WFDC10B: variants seen among roughly 807,000 people sequenced by gnomAD.
WFDC10B encodes the protein protein WFDC10B.
A neutral mutation model predicts 2.7 loss-of-function variants in WFDC10B; 1 was observed. That is an observed-to-expected ratio of 0.38 (90% CI 0.13 to 1.79). The LOEUF (loss-of-function observed/expected upper bound fraction) is 1.79, where lower values mean the gene tolerates loss of function less well. Among genes scored for constraint, WFDC10B ranks in the 40% most tolerant of loss-of-function variants. WFDC10B has a pLI of 0.33. For synonymous variants in WFDC10B, 26 were observed against 32.2 expected (o/e 0.81, Z 0.65); for missense variants, 71 against 87.8 (o/e 0.81, Z 0.76).
intron 2 of WFDC10B, among the ~76,000 whole-genome samples, chr20:45,698,122 AG>A (rs949106908): frequency 6.6e-6 from 1 of 152,118 alleles, no homozygotes; most frequent in Non-Finnish European, 1.5e-5. Context: ...TGTACTTTGT[AG>A]GGTCTCCCAT....
At chr20:45,696,023 ACGCCTGTAATCCC>A (rs1402455348) in intron 2 of WFDC10B, among the ~76,000 whole-genome samples, 3 of 152,172 alleles carry the variant, frequency 2.0e-5, no homozygotes, top group Non-Finnish European at 4.4e-5. Context: ...GCAGTGGCTC[ACGCCTGTAATCCC>A]AGCACTTTGG....
rs1268767742 is a variant in WFDC10B at position 45,699,003 on chromosome 20, G to GAGGGGT, written c.-65+5493_-65+5494insACCCCT. Among the ~76,000 whole-genome samples the GAGGGGT allele has an allele frequency of 4.0e-5, 6 of 150,586 alleles. No individual in the cohort carries two copies. In the Admixed American group the frequency reaches 4.0e-4, roughly 10 times the overall value. ...AAAGAAGAAGGAGGAGAAGGAGGGG[G>GAGGGGT]AGGGGGAAGAAGAAGAAGAAAGAAA... is the stretch of plus-strand genomic sequence containing the variant. On this transcript the variant is annotated intron_variant, in intron 2 of 3. Transcript: ENST00000330523.
At chr20:45,700,014 A>G (rs1166859933) in intron 2 of WFDC10B, among the ~76,000 whole-genome samples, 1 of 152,190 alleles carries the variant, frequency 6.6e-6, no homozygotes, top group Non-Finnish European at 1.5e-5. Context: ...ACACTTTTAG[A>G]AATTTACTGA....
chr20:45,702,188 G>A, intron 2 of WFDC10B: 1 of 1,612,904 alleles, frequency 6.2e-7, no homozygotes, highest in South Asian at 1.1e-5. Context: ...CTGGTGCCTG[G>A]GAGTCCCAAG....
At chr20:45,691,295 A>G (rs1983804065) in intron 2 of WFDC10B, among the ~76,000 whole-genome samples, 1 of 151,944 alleles carries the variant, frequency 6.6e-6, no homozygotes, top group African/African-American at 2.4e-5. Context: ...TGTGGTGCTG[A>G]AAAAAAATGT....
intron 2 of WFDC10B, among the ~76,000 whole-genome samples, chr20:45,698,914 G>A (rs1409363152): frequency 6.9e-6 from 1 of 144,856 alleles, no homozygotes; most frequent in Non-Finnish European, 1.5e-5. Context: ...GTTGCAGTGA[G>A]CTGAGATCAC....
chr20:45,704,993 C>A lies in WFDC10B; in HGVS notation c.-205G>T, dbSNP rs771641543. The stretch of plus-strand genomic sequence containing the variant: ...TGCCCTCCTTTCACAAGACACCATC[C>A]TTTGGCCACCAGTGTTCTTGGGCTC... On this transcript the variant is annotated 5_prime_UTR_variant, in exon 1 of 4. The change creates a new upstream start codon in the 5' untranslated region. Transcript: ENST00000330523. 1 of 1,614,130 alleles carries A rather than the reference C, an allele frequency of 6.2e-7. No individual in the cohort carries two copies. The highest frequency in any genetic ancestry group is 1.1e-5 in the South Asian group (1 of 91,082).
chr20:45,700,130 T>C (rs1048715759), intron 2 of WFDC10B, among the ~76,000 whole-genome samples: 1 of 152,206 alleles, frequency 6.6e-6, no homozygotes, highest in Non-Finnish European at 1.5e-5. Flanking sequence ...TATAGGAGAC[T>C]GGCTATATGA....
chr20:45,686,688 A>G (rs990354165), intron 2 of WFDC10B, among the ~76,000 whole-genome samples: 6 of 151,130 alleles, frequency 4.0e-5, no homozygotes, highest in African/African-American at 4.9e-5. Flanking sequence ...TTTTTTAGAC[A>G]GAGTCTCACT....
intron 2 of WFDC10B, 56 bp downstream of exon 2, chr20:45,704,441 C>G: frequency 6.2e-7 from 1 of 1,612,400 alleles, no homozygotes. Flanking sequence ...TTCTGTGTTC[C>G]AGAGTATATC....
intron 2 of WFDC10B, among the ~76,000 whole-genome samples, chr20:45,693,374 C>T (rs971569022): frequency 2.2e-4 from 33 of 152,202 alleles, no homozygotes; most frequent in African/African-American, 8.0e-4. Flanking sequence ...CAGACAGGGA[C>T]ATGTAAGTCT....
intron 2 of WFDC10B, among the ~76,000 whole-genome samples, chr20:45,688,880 AT>A (rs771355734): frequency 2.6e-5 from 4 of 151,972 alleles, no homozygotes; most frequent in Non-Finnish European, 4.4e-5. Flanking sequence ...TTTTGTTTCC[AT>A]TGCTTTTGGT....
At chr20:45,691,129 C>G (rs1983798712) in intron 2 of WFDC10B, among the ~76,000 whole-genome samples, 1 of 152,062 alleles carries the variant, frequency 6.6e-6, no homozygotes, top group African/African-American at 2.4e-5. Flanking sequence ...GTTCAGTTTC[C>G]ATGTAGTTGA....
At chr20:45,696,313 A>C (rs1412361350) in intron 2 of WFDC10B, among the ~76,000 whole-genome samples, 1 of 151,264 alleles carries the variant, frequency 6.6e-6, no homozygotes, top group Admixed American at 6.6e-5. Flanking sequence ...AAAAGATCTC[A>C]AATCTGCAAC....
rs769467087 is a variant in WFDC10B at position 45,702,234 on chromosome 20, A to G, written c.-65+2263T>C. On this transcript the variant is annotated intron_variant, in intron 2 of 3. Transcript: ENST00000330523. ...TGAGTAGGTGCTGGATCTGGGCCCA[A>G]GGAGGGAAGTAACATGTGTGGATAG... 4 of 1,602,796 alleles carry G rather than the reference A, an allele frequency of 2.5e-6. No homozygotes were observed. In the East Asian group the frequency reaches 6.8e-5, roughly 27 times the overall value.
chr20:45,686,411 G>T (rs1983619835), intron 2 of WFDC10B, among the ~76,000 whole-genome samples: 1 of 152,042 alleles, frequency 6.6e-6, no homozygotes, highest in African/African-American at 2.4e-5. Flanking sequence ...TATATTTAAT[G>T]TAAACAATCT....
intron 2 of WFDC10B, among the ~76,000 whole-genome samples, chr20:45,697,937 T>A (rs993918345): frequency 3.3e-5 from 5 of 151,762 alleles, no homozygotes; most frequent in African/African-American, 1.2e-4. Flanking sequence ...AGAGATGGGG[T>A]TTCACTATGT....
chr20:45,701,508 T>TC (rs1164018684), intron 2 of WFDC10B, among the ~76,000 whole-genome samples: 2 of 152,158 alleles, frequency 1.3e-5, no homozygotes, highest in African/African-American at 2.4e-5. Flanking sequence ...ACACCTGTAA[T>TC]CCTAGCACTT....
At position 45,704,514 on chromosome 20, in the gene WFDC10B, A is replaced by C. The variant is rs1403138883; in HGVS notation, c.-82T>G. The C allele has an allele frequency of 3.7e-6, 6 of 1,614,078 alleles. No homozygotes were observed. Among genetic ancestry groups the C allele is most frequent in the African/African-American group, 2.7e-5 (2 of 74,936 alleles). ...GTACTCACCTGTGTACAATGCAGGA[A>C]GATTGCGAGAAAGGATTTCAGTGCT... On this transcript the variant is annotated 5_prime_UTR_variant, in exon 2 of 4. Transcript: ENST00000330523.
Sources: allele counts gnomAD v4.1 joint callset (sites outside exome capture counted in the v4.1 genomes callset), GRCh38; gene constraint gnomAD v4.1.1; transcripts MANE v1.5; gene names NCBI Gene and HGNC (gene_info 2026-07-23, HGNC 2026-07-21).